Variants in SLC45A4 observed in about 807,000 individuals in gnomAD.
The protein encoded by SLC45A4 is solute carrier family 45 member 4.
In SLC45A4, 32 loss-of-function variants were observed where a neutral mutation model predicts 63.7. The observed-to-expected ratio is 0.50, with a 90% CI of 0.38 to 0.67. The LOEUF (loss-of-function observed/expected upper bound fraction) is 0.67, where lower values mean the gene tolerates loss of function less well. Among genes scored for constraint, SLC45A4 ranks in the 30% least tolerant of loss-of-function variants. The pLI is 0.00. For synonymous variants in SLC45A4, 535 were observed against 510.0 expected (o/e 1.05, Z -0.66); for missense variants, 1,027 against 1,157.7 (o/e 0.89, Z 1.64).
In SLC45A4 at chr8:141,212,325, C is replaced by T. The variant is rs1825885441; in HGVS notation, c.2173G>A (p.Glu725Lys). The change falls in exon 8 of 9, where the codon GAG (glutamate) becomes AAG (lysine). Residue 725 changes from glutamate to lysine, a missense_variant. Glu to Lys is a moderately conservative substitution (Grantham distance 56, BLOSUM62 1). Coordinates refer to ENST00000517878, the MANE Select transcript of SLC45A4 (RefSeq NM_001286646.2). ...IYPNVSEEAK[E>K]EQKGLSSPLA... ...GGGGAAGACAGGCCTTTCTGCTCCT[C>T]CTTGGCCTCCTCTGACACGTTGGGA... is the stretch of plus-strand genomic sequence containing the variant. 3 of 1,612,758 alleles carry T rather than the reference C, an allele frequency of 1.9e-6. No homozygotes were observed. The highest frequency in any genetic ancestry group is 1.7e-4 in the Middle Eastern group (1 of 6,058).
chr8:141,262,877 G>A (rs1417078489), intron 1 of SLC45A4, among the ~76,000 whole-genome samples: 10 of 150,136 alleles, frequency 6.7e-5, no homozygotes, highest in South Asian at 4.4e-4. Flanking sequence ...TATACCCAAA[G>A]GACTATAAAT....
intron 2 of SLC45A4, among the ~76,000 whole-genome samples, chr8:141,251,448 C>T (rs543780769): frequency 1.3e-5 from 2 of 151,968 alleles, no homozygotes; most frequent in Non-Finnish European, 2.9e-5. Context: ...AAGCGCCCCC[C>T]CTGCCACAGA....
chr8:141,238,910 C>T (rs73713389), intron 2 of SLC45A4, among the ~76,000 whole-genome samples: 3,116 of 152,256 alleles, frequency 0.02, 104 homozygotes, highest in African/African-American at 0.068. Context: ...CTATGAAGGG[C>T]GCCTGGGAAA....
chr8:141,285,087 TC>T (rs796277696), intron 1 of SLC45A4, among the ~76,000 whole-genome samples: 22 of 152,092 alleles, frequency 1.4e-4, no homozygotes, highest in African/African-American at 5.1e-4. Context: ...CAAGCAGACT[TC>T]CCCCACCTCA....
intron 1 of SLC45A4, among the ~76,000 whole-genome samples, chr8:141,288,469 C>T (rs542909445): frequency 3.9e-5 from 6 of 152,342 alleles, no homozygotes; most frequent in Non-Finnish European, 7.3e-5. Context: ...AAGCCCTGAC[C>T]GTGTCTGATG....
chr8:141,270,151 G>A (rs746519552), intron 1 of SLC45A4, among the ~76,000 whole-genome samples: 9 of 151,998 alleles, frequency 5.9e-5, no homozygotes, highest in African/African-American at 1.5e-4. Context: ...CACACGCAGC[G>A]CAGGCACCCA....
chr8:141,299,206 G>A (rs1248729015), intron 1 of SLC45A4, among the ~76,000 whole-genome samples: 3 of 152,206 alleles, frequency 2.0e-5, no homozygotes, highest in African/African-American at 7.2e-5. Context: ...GCCAAGGAGG[G>A]CCCAGCCCGG....
At chr8:141,228,572 T>A in intron 2 of SLC45A4, 2 of 1,206,432 alleles carry the variant, frequency 1.7e-6, no homozygotes, top group Non-Finnish European at 2.1e-6. Context: ...CTCTGCCCTA[T>A]CAGCACAGCC....
rs1409366465 is a variant in SLC45A4 at position 141,208,412 on chromosome 8, G to A, written c.*3160C>T. 2 of 152,138 alleles carry A rather than the reference G, an allele frequency of 1.3e-5. No homozygotes were observed. The highest frequency in any genetic ancestry group is 4.8e-5 in the African/African-American group (2 of 41,416). 9.4% of individuals were successfully genotyped at this position (152,138 alleles called of 1,614,324 possible). On this transcript the variant is annotated 3_prime_UTR_variant, in exon 9 of 9. Transcript: ENST00000517878. ...CCTGTTCAGCTCTGGGGTTCTAGGT[G>A]GTCACAGACCAAGTCCTCCACACCT...
At chr8:141,253,725 C>A (rs1461060153) in intron 2 of SLC45A4, among the ~76,000 whole-genome samples, 5 of 152,212 alleles carry the variant, frequency 3.3e-5, no homozygotes, top group African/African-American at 1.2e-4. Flanking sequence ...CTTATCAGTG[C>A]CAATTCTGCC....
chr8:141,263,174 T>C (rs1016277186), intron 1 of SLC45A4, among the ~76,000 whole-genome samples: 14 of 123,374 alleles, frequency 1.1e-4, no homozygotes, highest in African/African-American at 4.5e-4. Flanking sequence ...TGAGAACACA[T>C]GGACACAGGA....
chr8:141,251,026 C>T (rs968711667), intron 2 of SLC45A4, among the ~76,000 whole-genome samples: 23 of 152,138 alleles, frequency 1.5e-4, no homozygotes, highest in African/African-American at 5.6e-4. Flanking sequence ...AAAAGCAGTT[C>T]CTAATGACTC....
In SLC45A4 at chr8:141,218,468, G is replaced by T. The variant is rs1427063665; in HGVS notation, c.1172C>A (p.Thr391Lys). 2 of 1,613,100 alleles carry T rather than the reference G, an allele frequency of 1.2e-6. No individual in the cohort carries two copies. Among genetic ancestry groups the T allele is most frequent in the East Asian group, 2.2e-5 (1 of 44,878 alleles). The change falls in exon 5 of 9, where the codon ACA becomes AAA. Residue 391 changes from threonine (T) to lysine (K), a missense_variant. Physicochemically the swap from Thr to Lys is moderately conservative, Grantham distance 78. Coordinates refer to ENST00000517878, the MANE Select transcript of SLC45A4 (RefSeq NM_001286646.2). ...GGTGTAGCCGCCGAGGGCGTCTTTT[G>T]TGGGGGAGCCACTTCCGTTTGGGAC... is the stretch of plus-strand genomic sequence containing the variant. ...AKVPNGSGSP[T>K]KDALGGYTRV...
intron 2 of SLC45A4, among the ~76,000 whole-genome samples, chr8:141,240,357 CCT>C (rs1161494407): frequency 5.3e-5 from 8 of 152,180 alleles, no homozygotes; most frequent in Admixed American, 3.9e-4. Flanking sequence ...TTCCTTTTCC[CCT>C]GAGTATACTT....
chr8:141,215,998 C>T lies in SLC45A4; in HGVS notation c.1730-28G>A. ...GCAGAGAGGGGCACAGGGACAAGGA[C>T]AGTGGGCAGGCGGCTGGCTCCTGTC... On this transcript the variant is annotated intron_variant, in intron 6 of 8. Coordinates refer to ENST00000517878, the MANE Select transcript of SLC45A4 (RefSeq NM_001286646.2). The surrounding 1 kb of genome is among the most constrained non-coding windows in gnomAD (Gnocchi z 4.3). 1 of 1,602,366 alleles carries T rather than the reference C, an allele frequency of 6.2e-7. No individual in the cohort carries two copies. Among genetic ancestry groups the T allele is most frequent in the Non-Finnish European group, 8.5e-7 (1 of 1,173,696 alleles).
chr8:141,250,800 TACC>T (rs1828429008), intron 2 of SLC45A4, among the ~76,000 whole-genome samples: 1 of 152,218 alleles, frequency 6.6e-6, no homozygotes. Flanking sequence ...TACTGGGACA[TACC>T]CCCGTTGCAA....
chr8:141,251,504 G>A (rs1217853652), intron 2 of SLC45A4, among the ~76,000 whole-genome samples: 1 of 151,716 alleles, frequency 6.6e-6, no homozygotes, highest in African/African-American at 2.4e-5. Context: ...CACCCTCCGT[G>A]CCCTAGGATA....
At chr8:141,267,633 T>C (rs1044261843) in intron 1 of SLC45A4, among the ~76,000 whole-genome samples, 1 of 151,992 alleles carries the variant, frequency 6.6e-6, no homozygotes, top group Non-Finnish European at 1.5e-5. Flanking sequence ...CAATAAATGA[T>C]CTTTTGCTAT....
chr8:141,223,644 T>G (rs1826795152), intron 2 of SLC45A4, among the ~76,000 whole-genome samples: 1 of 152,228 alleles, frequency 6.6e-6, no homozygotes, highest in African/African-American at 2.4e-5. Context: ...CTCACCTCCC[T>G]GCCTGGGAAC....
Sources: allele counts gnomAD v4.1 joint callset (sites outside exome capture counted in the v4.1 genomes callset), GRCh38; gene constraint gnomAD v4.1.1; non-coding constraint Gnocchi (gnomAD v3.1); transcripts MANE v1.5; gene names NCBI Gene and HGNC (gene_info 2026-07-23, HGNC 2026-07-21).